The following TMEM50B variants were observed in gnomAD, a reference collection of about 807,000 sequenced individuals.
The protein encoded by TMEM50B is transmembrane protein 50B.
TMEM50B carries 14 observed loss-of-function variants against 23.4 expected under a neutral mutation model. The observed-to-expected ratio is 0.60, with a 90% CI of 0.39 to 0.93. The LOEUF is 0.93. Among genes scored for constraint, TMEM50B ranks in the 40% least tolerant of loss-of-function variants. The probability of loss-of-function intolerance (pLI) is 0.00; values close to 1 mark genes in which losing one functional copy is unlikely to be tolerated. For missense variants in TMEM50B, 159 were observed against 193.0 expected (o/e 0.82, Z 1.04); for synonymous variants, 64 against 62.3 (o/e 1.03, Z -0.13).
chr21:33,432,949 A>C (rs2083904978), intron 8 of TMEM50B: 1 of 1,220,788 alleles, frequency 8.2e-7, no homozygotes, highest in African/African-American at 1.5e-5. Context: ...GTCATGGTAC[A>C]ATCTCTGCTC....
At chr21:33,452,893 C>G (rs939151016) in intron 6 of TMEM50B, among the ~76,000 whole-genome samples, 1 of 152,046 alleles carries the variant, frequency 6.6e-6, no homozygotes, top group African/African-American at 2.4e-5. Flanking sequence ...TAAATATACT[C>G]TGTGTGTTCA....
intron 4 of TMEM50B, among the ~76,000 whole-genome samples, chr21:33,463,091 AG>A (rs1341577394): frequency 6.6e-6 from 1 of 152,226 alleles, no homozygotes; most frequent in Non-Finnish European, 1.5e-5. Flanking sequence ...CAGGAGTTTG[AG>A]AACAGCCTGG....
chr21:33,432,553 T>C (rs2083899287), exon 9 of TMEM50B: 3 of 895,256 alleles, frequency 3.4e-6, no homozygotes, highest in South Asian at 1.4e-5. Context: ...GGATTGACTT[T>C]AGCTATTAAT....
intron 7 of TMEM50B, among the ~76,000 whole-genome samples, chr21:33,441,593 C>A (rs894931133): frequency 2.0e-5 from 3 of 151,932 alleles, no homozygotes; most frequent in Non-Finnish European, 4.4e-5. Flanking sequence ...GGGCTTTGTG[C>A]AAGGTTGAGA....
chr21:33,469,562 A>T (rs13050246), intron 1 of TMEM50B: 62,822 of 152,110 alleles, frequency 0.41, 15,036 homozygotes, highest in Non-Finnish European at 0.54. Context: ...AAAGACTAGT[A>T]GACCAGTAGA....
chr21:33,461,954 AAAAG>A (rs1258218537), intron 4 of TMEM50B, among the ~76,000 whole-genome samples: 3 of 152,184 alleles, frequency 2.0e-5, no homozygotes, highest in African/African-American at 7.2e-5. Flanking sequence ...AAAAAAAAGA[AAAAG>A]AAGTATGCTT....
chr21:33,467,011 T>C lies in TMEM50B; in HGVS notation c.211A>G (p.Met71Val). 6.2e-7 allele frequency: 1 copy of C among 1,613,126 alleles called. No individual in the cohort carries two copies. The highest frequency in any genetic ancestry group is 8.5e-7 in the Non-Finnish European group (1 of 1,179,334). The change falls in exon 3 of 7, where the codon ATG becomes GTG. Residue 71 changes from methionine to valine, a missense_variant and splice_region_variant. Met to Val is a conservative substitution (Grantham distance 21). Coordinates refer to ENST00000542230, the MANE Select transcript of TMEM50B (RefSeq NM_006134.7). The stretch of plus-strand genomic sequence containing the variant: ...ATAGAGAATTATCTTCATACTTACA[T>C]GAAGAAAGCCAATGTGGAAAATACA... The part of the protein sequence containing the change: ...CGVFSTLAFF[M>V]INAVSNAQVR...
chr21:33,452,581 G>A (rs2084131928), intron 6 of TMEM50B, among the ~76,000 whole-genome samples: 1 of 152,200 alleles, frequency 6.6e-6, no homozygotes, highest in African/African-American at 2.4e-5. Flanking sequence ...GGGTATGACT[G>A]CCTTAGTAGG....
rs770253666 is a variant in TMEM50B at position 33,468,800 on chromosome 21, A to G, written c.86T>C (p.Val29Ala). The G allele has an allele frequency of 2.5e-6, 4 of 1,613,820 alleles. No homozygotes were observed. The African/African-American group carries it at 5.3e-5, about 22-fold the overall frequency. Residue 29 changes from valine to alanine, a missense_variant, in exon 2 of 7, where the codon GTC (valine) becomes GCC (alanine). Val to Ala is a moderately conservative substitution (Grantham distance 64). Coordinates refer to ENST00000542230, the MANE Select transcript of TMEM50B (RefSeq NM_006134.7). ...SERRNAVASV[V>A]AGILFFTGWW... ...TTTCTCACTTACCAATATACCTGCG[A>G]CAACAGATGCCACAGCATTTCTTCT...
At chr21:33,448,825 T>A (rs149036341), downstream of TMEM50B, 3 of 151,946 alleles carry the variant, frequency 2.0e-5, no homozygotes, top group Non-Finnish European at 4.4e-5. Context: ...GAGGATTGCC[T>A]GAGCTCCAGC....
chr21:33,478,938 G>C lies in TMEM50B; in HGVS notation c.-42+900C>G, dbSNP rs1249324911. Reference sequence around the variant, plus strand: ...TGGGATCCTCCGAAAAGAGAAAATCGGGTCTTACAGCGCGATGTAAGACGA... The same window carrying C: ...TGGGATCCTCCGAAAAGAGAAAATCCGGTCTTACAGCGCGATGTAAGACGA... On this transcript the variant is annotated intron_variant, in intron 1 of 6. Transcript: ENST00000542230. The C allele has an allele frequency of 9.8e-5, 41 of 416,246 alleles. No individual in the cohort carries two copies. In the Admixed American group the frequency reaches 1.2e-3, roughly 12 times the overall value. 25.8% of individuals were successfully genotyped at this position (416,246 alleles called of 1,614,324 possible). A position where few individuals can be genotyped will look rare whatever the true frequency, so the allele number is the denominator to read the frequency against.
intron 8 of TMEM50B, among the ~76,000 whole-genome samples, chr21:33,436,328 CA>C (rs113181168): frequency 5.2e-4 from 70 of 135,576 alleles, no homozygotes; most frequent in African/African-American, 6.5e-4. Flanking sequence ...AACTCCGTCT[CA>C]AAAAAAAAAA....
chr21:33,475,693 T>G (rs1012525582), intron 1 of TMEM50B, among the ~76,000 whole-genome samples: 11 of 151,306 alleles, frequency 7.3e-5, no homozygotes, highest in South Asian at 2.1e-4. Flanking sequence ...GGTGGCTTAC[T>G]CCTGTAATCC....
rs1357224811 is a variant in TMEM50B at position 33,450,094 on chromosome 21, C to A, written c.*724G>T. 6.6e-6 allele frequency: 1 copy of A among 152,158 alleles called. No homozygotes were observed. Among genetic ancestry groups the A allele is most frequent in the Admixed American group, 6.6e-5 (1 of 15,258 alleles). 9.4% of individuals were successfully genotyped at this position (152,158 alleles called of 1,614,324 possible). A position where few individuals can be genotyped will look rare whatever the true frequency, so the allele number is the denominator to read the frequency against. On this transcript the variant is annotated 3_prime_UTR_variant, in exon 7 of 7. Transcript: ENST00000542230. Reference sequence around the variant, plus strand: ...TTACCAAAAAAACCTCATTTTTAGGCCAAAATAAGTTACAACTTGCTGAAA... The same window carrying A: ...TTACCAAAAAAACCTCATTTTTAGGACAAAATAAGTTACAACTTGCTGAAA...
chr21:33,444,175 T>C (rs2084032655), downstream of TMEM50B, among the ~76,000 whole-genome samples: 1 of 918 alleles, frequency 1.1e-3, no homozygotes, highest in Non-Finnish European at 1.9e-3. Context: ...CACTGAGATA[T>C]AGGCGTGAGC....
chr21:33,457,110 C>T (rs554755878), intron 5 of TMEM50B, among the ~76,000 whole-genome samples: 1 of 150,970 alleles, frequency 6.6e-6, no homozygotes, highest in East Asian at 2.0e-4. Flanking sequence ...CAAAATTAGC[C>T]AAGTGTGGTG....
Position 33,467,138 on chromosome 21 carries a change from A to T in TMEM50B, c.100-16T>A. ...CTGTAAAAAACTTAAAACACAGCCC[A>T]AGTCACTGAAACATTAAAACTCTTG... On this transcript the variant is annotated splice_polypyrimidine_tract_variant and intron_variant, in intron 2 of 6. Transcript: ENST00000542230. 6.3e-7 allele frequency: 1 copy of T among 1,596,628 alleles called. No individual in the cohort carries two copies. Among genetic ancestry groups the T allele is most frequent in the Non-Finnish European group, 8.6e-7 (1 of 1,164,724 alleles).
At chr21:33,456,972 A>T (rs2084173766) in intron 5 of TMEM50B, among the ~76,000 whole-genome samples, 5 of 152,224 alleles carry the variant, frequency 3.3e-5, no homozygotes, top group African/African-American at 4.8e-5. Context: ...AAGTATATTT[A>T]GGCTGGGTGT....
At chr21:33,448,543 C>T (rs577727110), downstream of TMEM50B, among the ~76,000 whole-genome samples, 117 of 151,860 alleles carry the variant, frequency 7.7e-4, no homozygotes, top group South Asian at 2.3e-3. Flanking sequence ...TGCAGTGGCA[C>T]GATTTTGGCT....
Sources: allele counts gnomAD v4.1 joint callset (sites outside exome capture counted in the v4.1 genomes callset), GRCh38; gene constraint gnomAD v4.1.1; transcripts MANE v1.5; gene names NCBI Gene and HGNC (gene_info 2026-07-23, HGNC 2026-07-21).